SDK1: variants seen among roughly 807,000 people sequenced by gnomAD.
SDK1 encodes the protein protein sidekick-1.
SDK1 carries 157 observed loss-of-function variants against 245.5 expected under a neutral mutation model. That is an observed-to-expected ratio of 0.64 (90% CI 0.56 to 0.73). The LOEUF (loss-of-function observed/expected upper bound fraction) is 0.73. Ranked by LOEUF, SDK1 falls within the 30% of genes least tolerant of loss-of-function variation. The probability of loss-of-function intolerance (pLI) is 0.00; values close to 1 mark genes in which losing one functional copy is unlikely to be tolerated. For missense variants in SDK1, 3,583 were observed against 3,002.3 expected, an observed-to-expected ratio of 1.19 and a Z score of -4.52; for synonymous variants, 1,647 against 1,278.5, an observed-to-expected ratio of 1.29 and a Z score of -6.15.
intron 1 of SDK1, among the ~76,000 whole-genome samples, chr7:3,535,562 A>C (rs1778859052): frequency 6.6e-6 from 1 of 152,144 alleles, no homozygotes; most frequent in Non-Finnish European, 1.5e-5. Context: ...TCTTTGCTTG[A>C]AAGTTTTCTC....
intron 1 of SDK1, among the ~76,000 whole-genome samples, chr7:3,317,896 T>C (rs946477614): frequency 2.6e-5 from 4 of 152,234 alleles, no homozygotes; most frequent in South Asian, 2.1e-4. Flanking sequence ...GTTTTTATTA[T>C]GCAGTGCTTA....
At chr7:3,546,202 T>G (rs1367685579) in intron 1 of SDK1, among the ~76,000 whole-genome samples, 1 of 152,118 alleles carries the variant, frequency 6.6e-6, no homozygotes, top group African/African-American at 2.4e-5. Context: ...TGGAGTTCCC[T>G]GAGGATGATG....
Position 4,026,738 on chromosome 7 carries a change from G to C in SDK1, c.2602+9386G>C, listed in dbSNP as rs73673252. On this transcript the variant is annotated intron_variant, in intron 17 of 44. Coordinates refer to ENST00000404826, the MANE Select transcript of SDK1 (RefSeq NM_152744.4). This position sits in a 1 kb window ranked among gnomAD's most constrained non-coding sequence, Gnocchi z 4.1. ...TGTTTAATGCAGTGAGAACCTTCAG[G>C]TCTATCAAAACTGCAAGCACCATAA... Among the ~76,000 whole-genome samples the C allele has an allele frequency of 5.5e-3, 841 of 152,262 alleles. 4 individuals carry two copies. Among genetic ancestry groups the C allele is most frequent in the African/African-American group, 0.019 (793 of 41,538 alleles).
chr7:4,208,183 A>G lies in SDK1; in HGVS notation c.5299A>G (p.Asn1767Asp), dbSNP rs775239687. 1 of 1,614,076 alleles carries G rather than the reference A, an allele frequency of 6.2e-7. No homozygotes were observed. The highest frequency in any genetic ancestry group is 8.5e-7 in the Non-Finnish European group (1 of 1,179,976). Reference protein sequence around the residue: ...FLPEPVVRLKNLTSHTKYLVS... With the variant: ...FLPEPVVRLKDLTSHTKYLVS... ...CCCCGAGCCCGTGGTGAGGCTGAAG[A>G]ACCTGACCAGCCATACCAAGTACCT... Residue 1767 changes from asparagine (N) to aspartate (D), a missense_variant, in exon 37 of 45, where the codon AAC (asparagine) becomes GAC (aspartate). Asn to Asp is a conservative substitution (Grantham distance 23). Coordinates refer to ENST00000404826, the MANE Select transcript of SDK1 (RefSeq NM_152744.4).
At chr7:3,450,228 T>G (rs990555482) in intron 1 of SDK1, among the ~76,000 whole-genome samples, 2 of 152,216 alleles carry the variant, frequency 1.3e-5, no homozygotes, top group African/African-American at 2.4e-5. Context: ...TAGAGTTTGG[T>G]AATAGTGAGG....
chr7:3,943,689 G>A (rs904650384), intron 5 of SDK1, among the ~76,000 whole-genome samples: 5 of 151,936 alleles, frequency 3.3e-5, no homozygotes, highest in African/African-American at 1.2e-4. Context: ...CCACAGCTTA[G>A]CAGTTCGGGT....
chr7:3,899,740 T>G (rs1264603658), intron 5 of SDK1, among the ~76,000 whole-genome samples: 1 of 152,148 alleles, frequency 6.6e-6, no homozygotes, highest in Non-Finnish European at 1.5e-5. Context: ...ATGCTGCATC[T>G]CTCTCCCCAG....
chr7:4,025,461 G>A (rs1454650878), intron 17 of SDK1, among the ~76,000 whole-genome samples: 1 of 152,180 alleles, frequency 6.6e-6, no homozygotes, highest in Non-Finnish European at 1.5e-5. Context: ...GATCACCTCT[G>A]TGCACACAGA....
intron 5 of SDK1, among the ~76,000 whole-genome samples, chr7:3,862,709 A>G (rs1780724408): frequency 6.6e-6 from 1 of 152,122 alleles, no homozygotes; most frequent in African/African-American, 2.4e-5. Flanking sequence ...AGCTTGAGTT[A>G]CTAGTGGTTT....
chr7:3,522,101 C>G (rs1418912135), intron 1 of SDK1, among the ~76,000 whole-genome samples: 1 of 151,672 alleles, frequency 6.6e-6, no homozygotes, highest in Non-Finnish European at 1.5e-5. Flanking sequence ...TAAGTGACTA[C>G]TTCATTAACT....
At chr7:3,451,218 T>C (rs977655767) in intron 1 of SDK1, among the ~76,000 whole-genome samples, 2 of 151,744 alleles carry the variant, frequency 1.3e-5, no homozygotes, top group African/African-American at 4.8e-5. Flanking sequence ...AGGGTGAAAA[T>C]ATAGGAGAAA....
At chr7:3,862,053 A>G (rs1780706403) in intron 5 of SDK1, among the ~76,000 whole-genome samples, 1 of 152,212 alleles carries the variant, frequency 6.6e-6, no homozygotes, top group Non-Finnish European at 1.5e-5. Flanking sequence ...CACGGTTTGA[A>G]AAAGCTCCTT....
intron 1 of SDK1, among the ~76,000 whole-genome samples, chr7:3,511,212 A>AT (rs1179133055): frequency 6.6e-6 from 1 of 152,122 alleles, no homozygotes; most frequent in Non-Finnish European, 1.5e-5. Flanking sequence ...AGAATTTCAT[A>AT]TTTTCCTTCT....
intron 1 of SDK1, among the ~76,000 whole-genome samples, chr7:3,412,060 G>A (rs1035450177): frequency 5.9e-5 from 9 of 152,116 alleles, no homozygotes; most frequent in Non-Finnish European, 1.3e-4. Flanking sequence ...AGCAAAGATG[G>A]AGAGAAAGAA....
intron 14 of SDK1, 71 bp downstream of exon 14, chr7:3,987,393 C>G (rs771360148): frequency 1.3e-6 from 2 of 1,522,064 alleles, no homozygotes; most frequent in Non-Finnish European, 1.8e-6. Flanking sequence ...ATGTCCTTAA[C>G]CTTTACTTCT....
rs1197841864 is a variant in SDK1, at chr7:3,403,844, TATA to T, written c.298+101961_298+101963del. Among the ~76,000 whole-genome samples the T allele has an allele frequency of 6.5e-4, 61 of 93,430 alleles. 1 individual carries two copies. The highest frequency in any genetic ancestry group is 1.9e-3 in the South Asian group (6 of 3,174). 61.3% of individuals were successfully genotyped at this position (93,430 alleles called of 152,430 possible). ...TCTTACATATATATATATATATATA[TATA>T]TATATATATATATATATATATAATA... On this transcript the variant is annotated intron_variant, in intron 1 of 44. Coordinates refer to ENST00000404826, the MANE Select transcript of SDK1 (RefSeq NM_152744.4).
intron 4 of SDK1, among the ~76,000 whole-genome samples, chr7:3,702,812 T>G (rs1380981573): frequency 6.6e-6 from 1 of 152,192 alleles, no homozygotes; most frequent in Non-Finnish European, 1.5e-5. Context: ...CTGCCTGTTT[T>G]GCAAAAGAGG....
intron 28 of SDK1, among the ~76,000 whole-genome samples, chr7:4,143,990 G>T (rs1010858422): frequency 6.6e-6 from 1 of 152,222 alleles, no homozygotes; most frequent in African/African-American, 2.4e-5. Flanking sequence ...GCGGCCAGGA[G>T]CCCCGAAGCC....
At chr7:3,902,875 A>G (rs1472869883) in intron 5 of SDK1, among the ~76,000 whole-genome samples, 1 of 152,202 alleles carries the variant, frequency 6.6e-6, no homozygotes, top group Non-Finnish European at 1.5e-5. Context: ...ATTGCAAACC[A>G]TATATCTGGT....
Sources: allele counts gnomAD v4.1 joint callset (sites outside exome capture counted in the v4.1 genomes callset), GRCh38; gene constraint gnomAD v4.1.1; non-coding constraint Gnocchi (gnomAD v3.1); transcripts MANE v1.5; gene names NCBI Gene and HGNC (gene_info 2026-07-23, HGNC 2026-07-21).